The following MYLK2 variants were observed in gnomAD, a reference collection of about 807,000 sequenced individuals.
MYLK2 encodes myosin light chain kinase 2, skeletal/cardiac muscle.
MYLK2 carries 27 observed loss-of-function variants against 58.2 expected under a neutral mutation model. The observed-to-expected ratio is 0.46, with a 90% confidence interval of 0.34 to 0.64. The LOEUF is 0.64. Among genes scored for constraint, MYLK2 ranks in the 30% least tolerant of loss-of-function variants. The probability of loss-of-function intolerance (pLI) is 0.01; values close to 1 mark genes in which losing one functional copy is unlikely to be tolerated. For synonymous variants in MYLK2, 310 were observed against 296.7 expected, an observed-to-expected ratio of 1.04 and a Z score of -0.46; for missense variants, 676 against 764.3, an observed-to-expected ratio of 0.88 and a Z score of 1.36.
intron 6 of MYLK2, among the ~76,000 whole-genome samples, chr20:31,824,763 C>T (rs950624376): frequency 2.6e-5 from 4 of 152,214 alleles, no homozygotes; most frequent in Non-Finnish European, 1.5e-5. Flanking sequence ...CTCTAGTACC[C>T]ACGGCCTGGG....
chr20:31,823,079 A>G (rs1470332414), intron 4 of MYLK2, among the ~76,000 whole-genome samples: 1 of 152,212 alleles, frequency 6.6e-6, no homozygotes, highest in Non-Finnish European at 1.5e-5. Context: ...GAGGGTGGGC[A>G]GGTCCCACCA....
Position 31,833,840 on chromosome 20 carries a change from CG to C in MYLK2, c.*47del, listed in dbSNP as rs1438434423. On this transcript the variant is annotated 3_prime_UTR_variant, in exon 13 of 13. Transcript: ENST00000375985. ...AGCCTGGACGCAGCCACACAGTGGCCGGGGCTGAAGCCACACAGCCCAGAAG... is the reference window on the plus strand; with the variant it reads ...AGCCTGGACGCAGCCACACAGTGGCCGGGCTGAAGCCACACAGCCCAGAAG... 5.7e-6 allele frequency: 9 copies of C among 1,571,928 alleles called. No individual in the cohort carries two copies. In the Admixed American group the frequency reaches 1.2e-4, roughly 20 times the overall value.
In MYLK2 at chr20:31,823,069, G is replaced by A. The variant is rs182254840; in HGVS notation, c.773-408G>A. Among the ~76,000 whole-genome samples, 156 of 152,338 alleles carry A rather than the reference G, an allele frequency of 1.0e-3. 1 individual carries two copies. Among genetic ancestry groups the A allele is most frequent in the African/African-American group, 3.7e-3 (153 of 41,574 alleles). Reference sequence around the variant, plus strand: ...GCCAGATTGCGGTGTTATTAGGATGGAGGGTGGGCAGGTCCCACCACCTAC... The same window carrying A: ...GCCAGATTGCGGTGTTATTAGGATGAAGGGTGGGCAGGTCCCACCACCTAC... On this transcript the variant is annotated intron_variant, in intron 4 of 12. Transcript: ENST00000375985.
At position 31,833,697 on chromosome 20, in the gene MYLK2, C is replaced by G. The variant is rs189282373; in HGVS notation, c.1711-20C>G. 1,074 of 1,611,816 alleles carry G rather than the reference C, an allele frequency of 6.7e-4. 10 individuals are homozygous for G. In the African/African-American group the frequency reaches 0.013, roughly 19 times the overall value. The stretch of plus-strand genomic sequence containing the variant: ...CCCTGCCCTGGTGTTGACTGGGACT[C>G]CCTCTCTTCTGCCCTCTAGAAAAAC... On this transcript the variant is annotated intron_variant, in intron 12 of 12. Coordinates refer to ENST00000375985, the MANE Select transcript of MYLK2 (RefSeq NM_033118.4).
rs1302597518 is a variant in MYLK2, at chr20:31,831,081, A to G, written c.1364A>G (p.Asn455Ser). The G allele has an allele frequency of 3.1e-6, 5 of 1,614,086 alleles. No individual in the cohort carries two copies. Among genetic ancestry groups the G allele is most frequent in the Non-Finnish European group, 4.2e-6 (5 of 1,179,988 alleles). Reference sequence around the variant, plus strand: ...GAGTTCCTGTCACCTGAGGTGGTGAATTATGACCAAATCTCCGATAAGACA... The same window carrying G: ...GAGTTCCTGTCACCTGAGGTGGTGAGTTATGACCAAATCTCCGATAAGACA... The part of the protein sequence containing the change: ...TPEFLSPEVV[N>S]YDQISDKTDM... The change falls in exon 10 of 13, where the codon AAT becomes AGT. Residue 455 changes from asparagine (N) to serine (S), a missense_variant. This residue lies in a region of MYLK2 where 370 missense variants were observed against 467.8 expected (regional missense o/e 0.79). Coordinates refer to ENST00000375985, the MANE Select transcript of MYLK2 (RefSeq NM_033118.4).
chr20:31,819,624 C>T lies in MYLK2; in HGVS notation c.44C>T (p.Pro15Leu), dbSNP rs1206911264. 1.9e-6 allele frequency: 3 copies of T among 1,551,546 alleles called. No individual in the cohort carries two copies. Among genetic ancestry groups the T allele is most frequent in the East Asian group, 2.4e-5 (1 of 40,910 alleles). Residue 15 changes from proline (P) to leucine (L), a missense_variant, in exon 2 of 13, where the codon CCA becomes CTA. Physicochemically the swap from Pro to Leu is moderately conservative, Grantham distance 98. Around this residue, in one of 2 missense-constraint regions of MYLK2, gnomAD observed 306 missense variants for 296.5 expected, o/e 1.03. Coordinates refer to ENST00000375985, the MANE Select transcript of MYLK2 (RefSeq NM_033118.4). ...NGAVELGIQN[P>L]STDKAPKGPT... ...GCAGTTGAGCTGGGAATTCAGAACCCATCAACAGGTGCCAAGCTGGGGCAG... is the reference window on the plus strand; with the variant it reads ...GCAGTTGAGCTGGGAATTCAGAACCTATCAACAGGTGCCAAGCTGGGGCAG...
chr20:31,828,674 C>T, intron 8 of MYLK2: 2 of 985,456 alleles, frequency 2.0e-6, no homozygotes, highest in Non-Finnish European at 2.4e-6. Flanking sequence ...GGGTCTGAAG[C>T]AGGCAGGGAG....
At position 31,833,581 on chromosome 20, in the gene MYLK2, G is replaced by A. The variant is rs576173679; in HGVS notation, c.1711-136G>A. 2.2e-3 allele frequency: 1,713 copies of A among 778,234 alleles called. 5 individuals are homozygous for A. Among genetic ancestry groups the A allele is most frequent in the Non-Finnish European group, 3.6e-3 (1,566 of 440,748 alleles). The allele number at this position is 778,234 out of a possible 1,614,324, so 48.2% of individuals were successfully genotyped here. A position where few individuals can be genotyped will look rare whatever the true frequency, so the allele number is the denominator to read the frequency against. On this transcript the variant is annotated intron_variant, in intron 12 of 12. Coordinates refer to ENST00000375985, the MANE Select transcript of MYLK2 (RefSeq NM_033118.4). ...ACAATACAGTGTCATGGCGCCTCCC[G>A]TGGCCATTTTGGGCACTGCACCTTC...
In MYLK2 at chr20:31,834,213, T is replaced by C. The variant is rs914929900; in HGVS notation, c.*416T>C. ...GCCATGGCTGGGGGGTCTCAGCATG[T>C]AGGGCTTCTGTGGTTGTGGATGGGA... On this transcript the variant is annotated 3_prime_UTR_variant, in exon 13 of 13. Coordinates refer to ENST00000375985, the MANE Select transcript of MYLK2 (RefSeq NM_033118.4). 17 of 225,586 alleles carry C rather than the reference T, an allele frequency of 7.5e-5. No homozygotes were observed. Among genetic ancestry groups the C allele is most frequent in the Non-Finnish European group, 3.7e-5 (4 of 109,568 alleles). 14.0% of individuals were successfully genotyped at this position (225,586 alleles called of 1,614,324 possible). A position where few individuals can be genotyped will look rare whatever the true frequency, so the allele number is the denominator to read the frequency against.
In MYLK2 at chr20:31,831,828, T is replaced by C. The variant is rs753625612; in HGVS notation, c.1550T>C (p.Val517Ala). 6.2e-7 allele frequency: 1 copy of C among 1,614,114 alleles called. No homozygotes were observed. The highest frequency in any genetic ancestry group is 8.5e-7 in the Non-Finnish European group (1 of 1,180,010). ...EAVSDEAKDF[V>A]SNLIVKDQRA... The stretch of plus-strand genomic sequence containing the variant: ...GTATCAGACGAGGCCAAAGACTTTG[T>C]CTCCAACCTCATCGTCAAGGACCAG... Residue 517 changes from valine to alanine, a missense_variant, in exon 11 of 13, where the codon GTC becomes GCC. Val to Ala is a moderately conservative substitution (Grantham distance 64). Coordinates refer to ENST00000375985, the MANE Select transcript of MYLK2 (RefSeq NM_033118.4).
chr20:31,823,839 G>A, intron 5 of MYLK2: 1 of 671,784 alleles, frequency 1.5e-6, no homozygotes, highest in Non-Finnish European at 1.8e-6. Context: ...TTTTCTGTCT[G>A]TCTCAGCTCC....
At position 31,820,326 on chromosome 20, in the gene MYLK2, G is replaced by A. The variant is rs1955023201; in HGVS notation, c.253G>A (p.Gly85Arg). Residue 85 changes from glycine (G) to arginine (R), a missense_variant, in exon 3 of 13, where the codon GGG becomes AGG. Physicochemically the swap from Gly to Arg is moderately radical, Grantham distance 125. Transcript: ENST00000375985. ...CAAAGGAGAGGGTGACAGGGGCGGGGGGCCCGCGGAGGGCAGTGCTGGGCC... is the reference window on the plus strand; with the variant it reads ...CAAAGGAGAGGGTGACAGGGGCGGGAGGCCCGCGGAGGGCAGTGCTGGGCC... ...GPKGEGDRGGGPAEGSAGPPA... is the reference protein window; with the variant it reads ...GPKGEGDRGGRPAEGSAGPPA... 1.2e-6 allele frequency: 2 copies of A among 1,612,950 alleles called. No homozygotes were observed. The highest frequency in any genetic ancestry group is 1.7e-6 in the Non-Finnish European group (2 of 1,179,880).
intron 8 of MYLK2, chr20:31,828,761 C>CCTGGGTT (rs2062291966): frequency 1.0e-6 from 1 of 972,484 alleles, no homozygotes; most frequent in East Asian, 1.1e-4. Flanking sequence ...GCCATCTTCC[C>CCTGGGTT]AACAGTCCCC....
chr20:31,831,728 G>C lies in MYLK2; in HGVS notation c.1450G>C (p.Gly484Arg). Residue 484 changes from glycine (G) to arginine (R), a missense_variant, in exon 11 of 13, where the codon GGA (glycine) becomes CGA (arginine). By Grantham distance (125) the Gly-to-Arg change is moderately radical (BLOSUM62 -2). Transcript: ENST00000375985. ...MLLSGLSPFL[G>R]DDDTETLNNV... is the part of the protein sequence containing the mutation. ...GCTGAGCGGCCTCTCCCCCTTCCTG[G>C]GAGATGATGACACAGAGACCCTAAA... 1.4e-5 allele frequency: 22 copies of C among 1,613,964 alleles called. No homozygotes were observed. Among genetic ancestry groups the C allele is most frequent in the Non-Finnish European group, 1.9e-5 (22 of 1,179,974 alleles).
intron 10 of MYLK2, among the ~76,000 whole-genome samples, chr20:31,831,479 A>G (rs1235877028): frequency 2.6e-5 from 4 of 152,036 alleles, no homozygotes; most frequent in African/African-American, 9.7e-5. Context: ...AGCTGGGATG[A>G]TTATGCCCAT....
chr20:31,825,313 C>T (rs1386986311), intron 6 of MYLK2, among the ~76,000 whole-genome samples: 2 of 152,278 alleles, frequency 1.3e-5, no homozygotes, highest in African/African-American at 2.4e-5. Context: ...AGGTCCCAGG[C>T]CTCTGTCACA....
rs370778604 is a variant in MYLK2 at position 31,825,866 on chromosome 20, C to T, written c.973-739C>T. On this transcript the variant is annotated intron_variant, in intron 6 of 12. Transcript: ENST00000375985. The stretch of plus-strand genomic sequence containing the variant: ...TATTATAGCCGATATATCAGCCTAC[C>T]GATGTGACAGCTGGCTTGCGACTTT... Among the ~76,000 whole-genome samples the T allele has an allele frequency of 2.5e-3, 378 of 152,238 alleles. 2 individuals are homozygous for T. The highest frequency in any genetic ancestry group is 8.5e-3 in the African/African-American group (354 of 41,528).
At chr20:31,825,389 T>C (rs912784120) in intron 6 of MYLK2, among the ~76,000 whole-genome samples, 1 of 152,116 alleles carries the variant, frequency 6.6e-6, no homozygotes, top group South Asian at 2.1e-4. Context: ...CAGTTTTCAG[T>C]TGATAATTAT....
rs1229637877 is a variant in MYLK2 at position 31,830,756 on chromosome 20, C to G, written c.1225-63C>G. The G allele has an allele frequency of 2.6e-6, 4 of 1,555,950 alleles. No individual in the cohort carries two copies. The African/African-American group carries it at 5.4e-5, about 21-fold the overall frequency. On this transcript the variant is annotated intron_variant, in intron 8 of 12. Coordinates refer to ENST00000375985, the MANE Select transcript of MYLK2 (RefSeq NM_033118.4). Reference sequence around the variant, plus strand: ...TCAAGGAGCCTGGGGTTTGCACGGGCCTGGTGGGAGAGGGAGGGTGAGCTG... The same window carrying G: ...TCAAGGAGCCTGGGGTTTGCACGGGGCTGGTGGGAGAGGGAGGGTGAGCTG...
Sources: gnomAD v4.1 joint callset for allele counts (sites outside exome capture counted in the v4.1 genomes callset) on GRCh38, gnomAD v4.1.1 for gene constraint, gnomAD v4.1.1 regional missense constraint, MANE v1.5 for transcripts, NCBI Gene and HGNC (gene_info 2026-07-23, HGNC 2026-07-21) for gene names.